TMEM131: variants seen among roughly 807,000 people sequenced by gnomAD.
The protein encoded by TMEM131 is 2610524E03Rik.
In TMEM131, 66 loss-of-function variants were observed where a neutral mutation model predicts 211.6. That is an observed-to-expected ratio of 0.31 (90% CI 0.26 to 0.38). The LOEUF (loss-of-function observed/expected upper bound fraction) is 0.38. Ranked by LOEUF, TMEM131 falls within the 10% of genes least tolerant of loss-of-function variation. The pLI is 1.00. For synonymous variants in TMEM131, 844 were observed against 841.3 expected, an observed-to-expected ratio of 1.00 and a Z score of -0.06; for missense variants, 2,036 against 2,299.3, an observed-to-expected ratio of 0.89 and a Z score of 2.34.
At chr2:97,912,144 C>G (rs1400269460) in intron 2 of TMEM131, among the ~76,000 whole-genome samples, 1 of 151,708 alleles carries the variant, frequency 6.6e-6, no homozygotes, top group African/African-American at 2.4e-5. Context: ...TAAAAACAGG[C>G]AAATAAGGAT....
intron 1 of TMEM131, among the ~76,000 whole-genome samples, chr2:97,933,475 A>T (rs2104463112): frequency 6.6e-6 from 1 of 152,206 alleles, no homozygotes; most frequent in East Asian, 1.9e-4. Flanking sequence ...GGGTAGGGGG[A>T]AGTGAGGAGT....
At chr2:97,909,544 C>T (rs182215292) in intron 2 of TMEM131, among the ~76,000 whole-genome samples, 14 of 152,088 alleles carry the variant, frequency 9.2e-5, no homozygotes, top group Non-Finnish European at 1.6e-4. Flanking sequence ...TATTGATGTA[C>T]GAGAAAATGC....
intron 4 of TMEM131, among the ~76,000 whole-genome samples, chr2:97,869,504 T>A (rs1674405429): frequency 6.6e-6 from 1 of 152,218 alleles, no homozygotes; most frequent in Non-Finnish European, 1.5e-5. Flanking sequence ...CATCTACTTA[T>A]GTTGTTCAAA....
chr2:97,813,087 C>G (rs184277012), intron 15 of TMEM131, among the ~76,000 whole-genome samples: 1 of 151,972 alleles, frequency 6.6e-6, no homozygotes, highest in Non-Finnish European at 1.5e-5. Flanking sequence ...CTTTGTATGA[C>G]GAAAGTCTTT....
intron 2 of TMEM131, among the ~76,000 whole-genome samples, chr2:97,925,411 A>G (rs76157199): frequency 0.021 from 3,260 of 152,316 alleles, 59 homozygotes; most frequent in Non-Finnish European, 0.036. Flanking sequence ...CAGATTCCTC[A>G]GAGTCCGTGT....
chr2:97,914,214 T>G lies in TMEM131; in HGVS notation c.250-5516A>C, dbSNP rs558809635. On this transcript the variant is annotated intron_variant, in intron 2 of 40. Coordinates refer to ENST00000186436, the MANE Select transcript of TMEM131 (RefSeq NM_015348.2). ...TCTCTGTGTGTATGTATTTTTAACATGAATTTTCACTGAGATAACTGTAGA... is the reference window on the plus strand; with the variant it reads ...TCTCTGTGTGTATGTATTTTTAACAGGAATTTTCACTGAGATAACTGTAGA... Among the ~76,000 whole-genome samples the G allele has an allele frequency of 2.6e-4, 39 of 152,328 alleles. 1 individual carries two copies. The South Asian group carries it at 7.9e-3, about 31-fold the overall frequency.
chr2:97,874,222 T>C (rs577873773), intron 4 of TMEM131, among the ~76,000 whole-genome samples: 2 of 152,266 alleles, frequency 1.3e-5, no homozygotes, highest in East Asian at 3.9e-4. Context: ...TATGGGACTA[T>C]GTGAAAAGAC....
At position 97,814,279 on chromosome 2, in the gene TMEM131, T is replaced by C. The variant is rs1387831280; in HGVS notation, c.1402A>G (p.Ile468Val). Residue 468 changes from isoleucine to valine, a missense_variant, in exon 14 of 41, where the codon ATT becomes GTT. Physicochemically the swap from Ile to Val is conservative, Grantham distance 29. Around this residue, in one of 3 missense-constraint regions of TMEM131, gnomAD observed 1,623 missense variants for 1,805.9 expected, o/e 0.90. Transcript: ENST00000186436. ...TCTTCTGGTAGCAACACATCGTGAA[T>C]GAGGATCGCAAAACTGAAAGTGTTA... ...LTNTFSFAIL[I>V]HDVLLPEEAK... 8.1e-6 allele frequency: 13 copies of C among 1,613,830 alleles called. No individual in the cohort carries two copies. In the Admixed American group the frequency reaches 2.0e-4, roughly 25 times the overall value.
intron 1 of TMEM131, among the ~76,000 whole-genome samples, chr2:97,960,853 A>G (rs2104566332): frequency 6.6e-6 from 1 of 152,258 alleles, no homozygotes; most frequent in South Asian, 2.1e-4. Flanking sequence ...AGTTAATACC[A>G]GAAAAGCAAG....
At position 97,805,287 on chromosome 2, in the gene TMEM131, C is replaced by A. The variant is rs908531968; in HGVS notation, c.2285-82G>T. 6.4e-6 allele frequency: 10 copies of A among 1,557,660 alleles called. No homozygotes were observed. The African/African-American group carries it at 1.2e-4, about 19-fold the overall frequency. On this transcript the variant is annotated intron_variant, in intron 21 of 40. Coordinates refer to ENST00000186436, the MANE Select transcript of TMEM131 (RefSeq NM_015348.2). Reference sequence around the variant, plus strand: ...AAATAATTTCTATAGTAACAAAAGACAGCAATGTACTTTAAAAGTGGCGGC... The same window carrying A: ...AAATAATTTCTATAGTAACAAAAGAAAGCAATGTACTTTAAAAGTGGCGGC...
At chr2:97,857,846 T>TTA (rs1423227388) in intron 5 of TMEM131, among the ~76,000 whole-genome samples, 1 of 152,180 alleles carries the variant, frequency 6.6e-6, no homozygotes, top group Non-Finnish European at 1.5e-5. Context: ...AGCATTAGAA[T>TTA]TATATTGTTG....
intron 11 of TMEM131, among the ~76,000 whole-genome samples, chr2:97,826,314 T>C (rs191788892): frequency 4.2e-4 from 64 of 152,332 alleles, no homozygotes; most frequent in East Asian, 1.9e-4. Flanking sequence ...TGTATACAGA[T>C]AGCAAGTATG....
chr2:97,830,154 A>C (rs1682601304), intron 11 of TMEM131, among the ~76,000 whole-genome samples: 3 of 151,116 alleles, frequency 2.0e-5, no homozygotes, highest in East Asian at 1.9e-4. Context: ...AAAAAAAAAA[A>C]AACCAAACCC....
chr2:97,778,004 A>T (rs1329138120), intron 31 of TMEM131, among the ~76,000 whole-genome samples: 1 of 152,194 alleles, frequency 6.6e-6, no homozygotes, highest in Admixed American at 6.5e-5. Context: ...GGCTGAGAAT[A>T]CTTCAAAATT....
intron 4 of TMEM131, among the ~76,000 whole-genome samples, chr2:97,868,301 T>C (rs1308180558): frequency 6.6e-6 from 1 of 150,936 alleles, no homozygotes; most frequent in East Asian, 1.9e-4. Context: ...TGTCTATGTC[T>C]ATCTATCTAT....
At chr2:97,987,378 C>T (rs1311506028) in intron 1 of TMEM131, among the ~76,000 whole-genome samples, 2 of 152,120 alleles carry the variant, frequency 1.3e-5, no homozygotes, top group Non-Finnish European at 2.9e-5. Flanking sequence ...TGGCACACAC[C>T]TGTAGTCCCA....
At chr2:97,834,135 C>T (rs1418554956) in intron 10 of TMEM131, among the ~76,000 whole-genome samples, 1 of 152,166 alleles carries the variant, frequency 6.6e-6, no homozygotes, top group Non-Finnish European at 1.5e-5. Context: ...AGTCCATATA[C>T]ATCCCAAATT....
Position 97,834,864 on chromosome 2 carries a change from T to A in TMEM131, c.866A>T (p.Asp289Val), listed in dbSNP as rs372313961. ...MRASFSSREA[D>V]NHTAFIRIKT... is the part of the protein sequence containing the mutation. The stretch of plus-strand genomic sequence containing the variant: ...TATTCTTATGAAGGCTGTGTGATTA[T>A]CTGCTTCTCTAGATGAAAAACTGGC... The change falls in exon 9 of 41, where the codon GAT becomes GTT. Residue 289 changes from aspartate to valine, a missense_variant. Coordinates refer to ENST00000186436, the MANE Select transcript of TMEM131 (RefSeq NM_015348.2). The A allele has an allele frequency of 4.6e-5, 74 of 1,613,712 alleles. No individual in the cohort carries two copies. The African/African-American group carries it at 8.3e-4, about 18-fold the overall frequency.
At chr2:97,879,676 G>A (rs1674843208) in intron 4 of TMEM131, among the ~76,000 whole-genome samples, 1 of 152,180 alleles carries the variant, frequency 6.6e-6, no homozygotes, top group Non-Finnish European at 1.5e-5. Context: ...AAGATGAGGT[G>A]AAGACCTTTA....
Sources: gnomAD v4.1 joint callset for allele counts (sites outside exome capture counted in the v4.1 genomes callset) on GRCh38, gnomAD v4.1.1 for gene constraint, gnomAD v4.1.1 regional missense constraint, MANE v1.5 for transcripts, NCBI Gene and HGNC (gene_info 2026-07-23, HGNC 2026-07-21) for gene names.